BCORL1: variants seen among roughly 807,000 people sequenced by gnomAD.
The protein encoded by BCORL1 is BCL6 corepressor like 1, also known as BCL-6 corepressor-like protein 1.
BCORL1 carries 7 observed loss-of-function variants against 87.6 expected under a neutral mutation model. That is an observed-to-expected ratio of 0.08 (90% CI 0.05 to 0.15). BCORL1 has a LOEUF of 0.15. Among genes scored for constraint, BCORL1 ranks in the 10% least tolerant of loss-of-function variants. The probability of loss-of-function intolerance (pLI) is 1.00; values close to 1 mark genes in which losing one functional copy is unlikely to be tolerated. For missense variants in BCORL1, 1,215 were observed against 1,499.7 expected (o/e 0.81, Z 3.13); for synonymous variants, 591 against 634.4 (o/e 0.93, Z 1.03).
At chrX:130,028,935 G>GGGGGGGGGGA in intron 8 of BCORL1, 74 bp downstream of exon 8, 1 of 261,991 alleles carries the variant, frequency 3.8e-6, no homozygotes, top group Non-Finnish European at 7.4e-6. Context: ...GGGGGTGGGG[G>GGGGGGGGGGA]ATGGGGAGGA....
chrX:129,989,320 T>G (rs1926877269), intron 1 of BCORL1, among the ~76,000 whole-genome samples: 1 of 100,405 alleles, frequency 1.0e-5, no homozygotes, highest in East Asian at 3.1e-4. Flanking sequence ...TTTTTTTTTT[T>G]TTTTTTTAGT....
Position 130,013,322 on chromosome X carries a change from C to T in BCORL1, c.550C>T (p.Pro184Ser), listed in dbSNP as rs1282995868. The change falls in exon 4 of 14, where the codon CCT becomes TCT. Residue 184 changes from proline to serine, a missense_variant. By Grantham distance (74) the Pro-to-Ser change is moderately conservative. Around this residue, in one of 5 missense-constraint regions of BCORL1, gnomAD observed 861 missense variants for 1,010.0 expected, o/e 0.85. Coordinates refer to ENST00000540052, the MANE Select transcript of BCORL1 (RefSeq NM_001379451.1). ...FILATLGTGV[P>S]VEGTLPLVTT... ...TTTGGCAACTCTGGGAACTGGAGTC[C>T]CTGTGGAGGGGACCCTGCCCCTGGT... 2 of 1,211,832 alleles carry T rather than the reference C, an allele frequency of 1.7e-6. No homozygotes were observed. The highest frequency in any genetic ancestry group is 4.3e-5 in the Admixed American group (2 of 46,038).
At chrX:129,991,139 A>G (rs1927114362) in intron 1 of BCORL1, among the ~76,000 whole-genome samples, 1 of 109,846 alleles carries the variant, frequency 9.1e-6, no homozygotes, top group Non-Finnish European at 1.9e-5. Context: ...TTTTTGAGAT[A>G]GAGTTTCGTT....
rs370127526 is a variant in BCORL1, at chrX:130,055,807, C to T, written c.5076-47C>T. 2.0e-5 allele frequency: 23 copies of T among 1,156,686 alleles called. No individual in the cohort carries two copies. In the African/African-American group the frequency reaches 2.9e-4, roughly 14 times the overall value. On this transcript the variant is annotated intron_variant, in intron 13 of 13. Transcript: ENST00000540052. Reference sequence around the variant, plus strand: ...AGAGTGTTCTGGGTCGGTGCCCCCACCGCTTCCTCCAGCCTCCTTCAATAA... The same window carrying T: ...AGAGTGTTCTGGGTCGGTGCCCCCATCGCTTCCTCCAGCCTCCTTCAATAA...
intron 1 of BCORL1, among the ~76,000 whole-genome samples, chrX:129,984,513 C>G (rs1926441710): frequency 9.0e-6 from 1 of 111,435 alleles, no homozygotes; most frequent in African/African-American, 3.3e-5. Flanking sequence ...GGGACAGAGC[C>G]CTGCAGGGGC....
chrX:130,024,898 C>T, intron 6 of BCORL1, 92 bp from the exon 7 acceptor site: 1 of 1,115,558 alleles, frequency 9.0e-7, no homozygotes, highest in Non-Finnish European at 1.2e-6. Context: ...TGAACCCAGA[C>T]CTTCAAACTC....
chrX:130,014,821 T>C lies in BCORL1; in HGVS notation c.2049T>C (p.Thr683=). 1 of 1,211,012 alleles carries C rather than the reference T, an allele frequency of 8.3e-7. No homozygotes were observed. Residue 683 remains threonine (T), a synonymous_variant, in exon 4 of 14, where the codon ACT becomes ACC. Coordinates refer to ENST00000540052, the MANE Select transcript of BCORL1 (RefSeq NM_001379451.1). ...GGNVTSCLGS[T]SSPFVIFPEI... ...ATGTCACCTCCTGCCTGGGCTCCACTTCCTCGCCCTTTGTCATCTTTCCCG... is the reference window on the plus strand; with the variant it reads ...ATGTCACCTCCTGCCTGGGCTCCACCTCCTCGCCCTTTGTCATCTTTCCCG...
At position 130,005,173 on chromosome X, in the gene BCORL1, A is replaced by G. The variant is rs1445745080; in HGVS notation, c.-44-15A>G. 4 of 1,034,205 alleles carry G rather than the reference A, an allele frequency of 3.9e-6. No homozygotes were observed. Among genetic ancestry groups the G allele is most frequent in the Admixed American group, 2.4e-5 (1 of 40,866 alleles). The allele number at this position is 1,034,205 out of a possible 1,213,427, so 85.2% of individuals were successfully genotyped here. ...CCTGTTACGAGTTTTGATTTTCTGG[A>G]ATTCTTTTCCCCAGGGGGAGTGGCC... On this transcript the variant is annotated splice_polypyrimidine_tract_variant and intron_variant, in intron 1 of 13. Coordinates refer to ENST00000540052, the MANE Select transcript of BCORL1 (RefSeq NM_001379451.1).
intron 6 of BCORL1, 78 bp downstream of exon 6, chrX:130,023,055 C>A (rs1929966539): frequency 1.1e-6 from 1 of 884,909 alleles, no homozygotes; most frequent in African/African-American, 2.0e-5. Flanking sequence ...AGCAGTTTTA[C>A]CATGGGCCCA....
At chrX:130,019,225 C>T (rs781299619) in intron 4 of BCORL1, among the ~76,000 whole-genome samples, 2 of 112,207 alleles carry the variant, frequency 1.8e-5, no homozygotes, top group Non-Finnish European at 3.8e-5. Flanking sequence ...CTTGGCTTCC[C>T]GAGGTGCTGG....
chrX:129,980,950 G>A (rs1211347156), upstream of BCORL1, among the ~76,000 whole-genome samples: 2 of 109,375 alleles, frequency 1.8e-5, no homozygotes, highest in Non-Finnish European at 3.8e-5. Context: ...AGTTGTGAGC[G>A]GGGTCTGGCC....
At chrX:129,990,511 A>T (rs769080618) in intron 1 of BCORL1, among the ~76,000 whole-genome samples, 1 of 111,764 alleles carries the variant, frequency 8.9e-6, no homozygotes. Context: ...GATTACAGGC[A>T]TGAGCCACTG....
intron 4 of BCORL1, 66 bp downstream of exon 4, chrX:130,016,279 G>C (rs911736916): frequency 9.0e-7 from 1 of 1,109,274 alleles, no homozygotes. Context: ...GCCATGGATA[G>C]CAACCTCCTG....
At position 130,037,471 on chromosome X, in the gene BCORL1, C is replaced by T; in HGVS notation, c.4632C>T (p.Asp1544=). 1.7e-6 allele frequency: 2 copies of T among 1,211,636 alleles called. No individual in the cohort carries two copies. The highest frequency in any genetic ancestry group is 2.2e-6 in the Non-Finnish European group (2 of 895,484). ...LHEACSRGWT[D]ILNILLEHGA... ...AGGCTTGTTCCCGGGGCTGGACCGA[C>T]ATCCTGAACATCCTGCTGGAGCACG... Residue 1544 remains aspartate, a synonymous_variant, in exon 10 of 14, where the codon GAC becomes GAT. Coordinates refer to ENST00000540052, the MANE Select transcript of BCORL1 (RefSeq NM_001379451.1).
At position 130,025,000 on chromosome X, in the gene BCORL1, T is replaced by C. The variant is rs1487518842; in HGVS notation, c.3699T>C (p.Cys1233=). Residue 1233 remains cysteine, a synonymous_variant, in exon 7 of 14, where the codon TGT becomes TGC. Transcript: ENST00000540052. ...TRTRSQSGSI[C]SSFAGMADSD... ...ACATCCCATCCACAGGAAGCATCTGTAGCTCCTTTGCTGGCATGGCAGACA... is the reference window on the plus strand; with the variant it reads ...ACATCCCATCCACAGGAAGCATCTGCAGCTCCTTTGCTGGCATGGCAGACA... 2 of 1,209,313 alleles carry C rather than the reference T, an allele frequency of 1.7e-6. No individual in the cohort carries two copies. The highest frequency in any genetic ancestry group is 2.2e-6 in the Non-Finnish European group (2 of 894,749).
At position 130,015,480 on chromosome X, in the gene BCORL1, C is replaced by A; in HGVS notation, c.2708C>A (p.Thr903Lys). The change falls in exon 4 of 14, where the codon ACA becomes AAA. Residue 903 changes from threonine to lysine, a missense_variant. Thr to Lys is a moderately conservative substitution (Grantham distance 78). This residue lies in a region of BCORL1 where 861 missense variants were observed against 1,010.0 expected (regional missense o/e 0.85). Coordinates refer to ENST00000540052, the MANE Select transcript of BCORL1 (RefSeq NM_001379451.1). ...TTCGTTCCAGAGCAGGACCCTGTTA[C>A]AAAGAACAAAACTTGCCGGATTGCT... Reference protein sequence around the residue: ...GSFVPEQDPVTKNKTCRIAAK... With the variant: ...GSFVPEQDPVKKNKTCRIAAK... 8.2e-7 allele frequency: 1 copy of A among 1,212,197 alleles called. No homozygotes were observed. The highest frequency in any genetic ancestry group is 1.1e-6 in the Non-Finnish European group (1 of 895,585).
chrX:130,037,503 A>G lies in BCORL1; in HGVS notation c.4664A>G (p.Asn1555Ser). Reference protein sequence around the residue: ...ILNILLEHGANVNCSAQDGTR... With the variant: ...ILNILLEHGASVNCSAQDGTR... ...AACATCCTGCTGGAGCACGGGGCCA[A>G]CGTGAACTGCAGTGCGCAGGACGGC... The change falls in exon 10 of 14, where the codon AAC becomes AGC. Residue 1555 changes from asparagine (N) to serine (S), a missense_variant. Around this residue, in one of 5 missense-constraint regions of BCORL1, gnomAD observed 55 missense variants for 115.1 expected, o/e 0.48. Coordinates refer to ENST00000540052, the MANE Select transcript of BCORL1 (RefSeq NM_001379451.1). 2.5e-6 allele frequency: 3 copies of G among 1,211,290 alleles called. No individual in the cohort carries two copies. Among genetic ancestry groups the G allele is most frequent in the Non-Finnish European group, 3.4e-6 (3 of 895,294 alleles).
chrX:130,022,871 T>C, intron 5 of BCORL1, 26 bp from the exon 6 acceptor site: 4 of 1,185,921 alleles, frequency 3.4e-6, no homozygotes, highest in Non-Finnish European at 4.6e-6. Context: ...TTCTGCCTTC[T>C]GTCCCCAAAC....
At chrX:130,050,827 T>C in intron 12 of BCORL1, 33 bp downstream of exon 12, 14 of 1,141,370 alleles carry the variant, frequency 1.2e-5, no homozygotes, top group Non-Finnish European at 1.7e-5. Flanking sequence ...CCCACCCTTC[T>C]TCTCAAGGAC....
Sources: allele counts gnomAD v4.1 joint callset (sites outside exome capture counted in the v4.1 genomes callset), GRCh38; gene constraint gnomAD v4.1.1; regional missense constraint gnomAD v4.1.1; transcripts MANE v1.5; gene names NCBI Gene and HGNC (gene_info 2026-07-23, HGNC 2026-07-21).